The following AKAP7 variants were observed in gnomAD, a reference collection of about 807,000 sequenced individuals.
AKAP7 encodes A kinase (PRKA) anchor protein 7.
In AKAP7, 39 loss-of-function variants were observed where a neutral mutation model predicts 39.5. The ratio of observed to expected loss-of-function variants is 0.99; its 90% CI spans 0.76 to 1.29. The LOEUF is 1.29. Among genes scored for constraint, AKAP7 ranks in the 50% most tolerant of loss-of-function variants. The pLI is 0.00. For synonymous variants in AKAP7, 140 were observed against 139.1 expected, an observed-to-expected ratio of 1.01 and a Z score of -0.05; for missense variants, 414 against 407.7, an observed-to-expected ratio of 1.02 and a Z score of -0.13.
intron 7 of AKAP7, among the ~76,000 whole-genome samples, chr6:131,271,500 GTTC>G (rs1464733778): frequency 2.0e-5 from 3 of 152,064 alleles, no homozygotes; most frequent in Non-Finnish European, 4.4e-5. Flanking sequence ...TTCTAATCAT[GTTC>G]TTCTTGTTAA....
chr6:131,145,307 T>C lies in AKAP7; in HGVS notation c.42T>C (p.Cys14=). ...AAGGAGGAATTAATTCCAATGAGTG[T>C]GAAAATGTATCAAGAAAAAAGAAAA... ...PEAGGINSNE[C]ENVSRKKKMS... is the part of the protein sequence containing the mutation. Residue 14 remains cysteine (C), a synonymous_variant, in exon 2 of 8, where the codon TGT becomes TGC. Coordinates refer to ENST00000431975, the MANE Select transcript of AKAP7 (RefSeq NM_016377.4). 6.5e-7 allele frequency: 1 copy of C among 1,536,716 alleles called. No individual in the cohort carries two copies. The highest frequency in any genetic ancestry group is 1.3e-5 in the South Asian group (1 of 78,716).
chr6:131,250,243 C>G, intron 7 of AKAP7: 1 of 1,073,652 alleles, frequency 9.3e-7, no homozygotes, highest in Non-Finnish European at 1.1e-6. Context: ...AATAGCCAGA[C>G]AGAACACATG....
intron 2 of AKAP7, among the ~76,000 whole-genome samples, chr6:131,146,593 C>T (rs1461549107): frequency 1.3e-5 from 2 of 152,186 alleles, no homozygotes; most frequent in African/African-American, 2.4e-5. Flanking sequence ...TAAGGAAAAG[C>T]GTCAATATGT....
intron 2 of AKAP7, among the ~76,000 whole-genome samples, chr6:131,151,606 T>A (rs1285419556): frequency 6.6e-6 from 1 of 151,030 alleles, no homozygotes; most frequent in Non-Finnish European, 1.5e-5. Context: ...ATTAGCCGAG[T>A]GTGGTGGCAT....
At chr6:131,238,842 A>G (rs9492875) in intron 7 of AKAP7, among the ~76,000 whole-genome samples, 74,365 of 151,992 alleles carry the variant, frequency 0.49, 18,375 homozygotes, top group Admixed American at 0.54. Flanking sequence ...GCACACTGAT[A>G]GGTCTTGACT....
chr6:131,282,710 C>A lies in AKAP7; in HGVS notation c.*984C>A. The A allele has an allele frequency of 1.1e-6, 1 of 875,536 alleles. No individual in the cohort carries two copies. Among genetic ancestry groups the A allele is most frequent in the South Asian group, 2.8e-5 (1 of 35,680 alleles). The allele number at this position is 875,536 out of a possible 1,614,324, so 54.2% of individuals were successfully genotyped here. On this transcript the variant is annotated 3_prime_UTR_variant, in exon 8 of 8. Coordinates refer to ENST00000431975, the MANE Select transcript of AKAP7 (RefSeq NM_016377.4). ...GTTTCTGATAGTGTCTGCACAACAG[C>A]AAACCAACATTTGGTGAGGAATTAG...
rs372852240 is a variant in AKAP7, at chr6:131,145,350, G to A, written c.85G>A (p.Ala29Thr). The change falls in exon 2 of 8, where the codon GCC (alanine) becomes ACC (threonine). Residue 29 changes from alanine (A) to threonine (T), a missense_variant. Physicochemically the swap from Ala to Thr is moderately conservative, Grantham distance 58 (BLOSUM62 0). Transcript: ENST00000431975. ...RKKKMSEEFE[A>T]NTMDSLVDMP... is the part of the protein sequence containing the mutation. ...AAAGAAAATGTCAGAGGAATTTGAA[G>A]CCAATACTATGGATTCTCTGGTAGA... The A allele has an allele frequency of 6.4e-7, 1 of 1,570,244 alleles. No individual in the cohort carries two copies. The highest frequency in any genetic ancestry group is 1.4e-5 in the African/African-American group (1 of 74,046).
intron 1 of AKAP7, among the ~76,000 whole-genome samples, chr6:131,138,838 C>G (rs954063166): frequency 6.6e-6 from 1 of 152,194 alleles, no homozygotes; most frequent in African/African-American, 2.4e-5. Context: ...TTCAAGCATG[C>G]ACTTAAATGT....
intron 2 of AKAP7, among the ~76,000 whole-genome samples, chr6:131,155,845 A>G (rs1418646690): frequency 6.6e-6 from 1 of 152,168 alleles, no homozygotes; most frequent in African/African-American, 2.4e-5. Flanking sequence ...GCCAATGAGA[A>G]GACATTTAAA....
intron 3 of AKAP7, among the ~76,000 whole-genome samples, chr6:131,163,324 A>C (rs973937817): frequency 6.6e-6 from 1 of 152,254 alleles, no homozygotes; most frequent in Non-Finnish European, 1.5e-5. Context: ...TGTATCTTCT[A>C]CATGAGCACA....
intron 5 of AKAP7, among the ~76,000 whole-genome samples, chr6:131,185,926 T>C (rs1033315917): frequency 1.3e-5 from 2 of 152,350 alleles, no homozygotes; most frequent in Admixed American, 1.3e-4. Flanking sequence ...CTATGTTTTT[T>C]CTTAAGAGTC....
chr6:131,169,638 G>A (rs1803837520), intron 5 of AKAP7, among the ~76,000 whole-genome samples: 1 of 152,142 alleles, frequency 6.6e-6, no homozygotes, highest in African/African-American at 2.4e-5. Flanking sequence ...AGGACCATTG[G>A]TGTTAGCAGA....
intron 7 of AKAP7, among the ~76,000 whole-genome samples, chr6:131,252,475 A>C (rs1314347077): frequency 6.6e-6 from 1 of 151,826 alleles, no homozygotes; most frequent in African/African-American, 2.4e-5. Flanking sequence ...CTCCGTTCAC[A>C]CTCCCCATGG....
At chr6:131,242,578 T>G (rs1284018513) in intron 7 of AKAP7, among the ~76,000 whole-genome samples, 2 of 151,804 alleles carry the variant, frequency 1.3e-5, no homozygotes, top group Non-Finnish European at 1.5e-5. Context: ...CAGATACAGA[T>G]TTTTATTAAA....
At chr6:131,206,319 A>G (rs1216948643) in intron 6 of AKAP7, among the ~76,000 whole-genome samples, 1 of 152,182 alleles carries the variant, frequency 6.6e-6, no homozygotes, top group Non-Finnish European at 1.5e-5. Context: ...GCAGTGTTTT[A>G]CAGAGTCAGA....
chr6:131,280,805 CTT>C (rs780738577), intron 7 of AKAP7, among the ~76,000 whole-genome samples: 2 of 152,114 alleles, frequency 1.3e-5, no homozygotes, highest in Non-Finnish European at 2.9e-5. Context: ...GGAACCAGCT[CTT>C]TTAGAATAAA....
chr6:131,281,727 GC>G lies in AKAP7; in HGVS notation c.*4del. ...TGACAATGAGAACAACAGGAAATGA[GC>G]CCGGAACGCAGGCCCCCATGTCTCT... is the stretch of plus-strand genomic sequence containing the variant. On this transcript the variant is annotated 3_prime_UTR_variant, in exon 8 of 8. Coordinates refer to ENST00000431975, the MANE Select transcript of AKAP7 (RefSeq NM_016377.4). This position sits in a 1 kb window ranked among gnomAD's most constrained non-coding sequence, Gnocchi z 4.0. 1 of 1,593,972 alleles carries G rather than the reference GC, an allele frequency of 6.3e-7. No homozygotes were observed. The highest frequency in any genetic ancestry group is 1.3e-5 in the African/African-American group (1 of 74,326).
chr6:131,212,728 G>C (rs951165515), intron 6 of AKAP7, among the ~76,000 whole-genome samples: 2 of 152,058 alleles, frequency 1.3e-5, no homozygotes, highest in Non-Finnish European at 2.9e-5. Context: ...GGTTAAGTAA[G>C]GTATCCTATT....
intron 7 of AKAP7, among the ~76,000 whole-genome samples, chr6:131,238,795 A>G (rs1041478445): frequency 1.3e-5 from 2 of 151,964 alleles, no homozygotes; most frequent in African/African-American, 2.4e-5. Context: ...TTGAACCTAT[A>G]TGTGTCTCTG....
Sources: allele counts gnomAD v4.1 joint callset (sites outside exome capture counted in the v4.1 genomes callset), GRCh38; gene constraint gnomAD v4.1.1; non-coding constraint Gnocchi (gnomAD v3.1); transcripts MANE v1.5; gene names NCBI Gene and HGNC (gene_info 2026-07-23, HGNC 2026-07-21).